Variants in GULP1 observed in about 807,000 individuals in gnomAD.
The protein encoded by GULP1 is GULP PTB domain containing engulfment adaptor 1.
Under a neutral mutation model 40.9 loss-of-function variants are expected in GULP1, and 19 were observed. The observed-to-expected ratio is 0.46, with a 90% CI of 0.32 to 0.68. The LOEUF is 0.68. Among genes scored for constraint, GULP1 ranks in the 30% least tolerant of loss-of-function variants. The probability of loss-of-function intolerance (pLI) is 0.03; values close to 1 mark genes in which losing one functional copy is unlikely to be tolerated. For synonymous variants in GULP1, 119 were observed against 117.6 expected, an observed-to-expected ratio of 1.01 and a Z score of -0.08; for missense variants, 312 against 362.2, an observed-to-expected ratio of 0.86 and a Z score of 1.12.
intron 1 of GULP1, among the ~76,000 whole-genome samples, chr2:188,360,399 A>G (rs2045927743): frequency 6.6e-6 from 1 of 152,068 alleles, no homozygotes; most frequent in East Asian, 1.9e-4. Flanking sequence ...ATTTCAAGCA[A>G]TTAAATTTCC....
At chr2:188,527,875 A>G (rs1686585882) in intron 5 of GULP1, among the ~76,000 whole-genome samples, 1 of 152,164 alleles carries the variant, frequency 6.6e-6, no homozygotes, top group Non-Finnish European at 1.5e-5. Flanking sequence ...CATCTGCCCT[A>G]AATTACAGTG....
chr2:188,389,087 C>G (rs571016095), intron 2 of GULP1, among the ~76,000 whole-genome samples: 1 of 152,086 alleles, frequency 6.6e-6, no homozygotes, highest in South Asian at 2.1e-4. Context: ...AAGAAACAGG[C>G]CTTTTGTTTA....
chr2:188,365,680 G>T (rs1408690556), intron 1 of GULP1, among the ~76,000 whole-genome samples: 6 of 152,166 alleles, frequency 3.9e-5, no homozygotes, highest in African/African-American at 1.2e-4. Flanking sequence ...GTCAAGAAAG[G>T]CACGGTAAAG....
intron 2 of GULP1, among the ~76,000 whole-genome samples, chr2:188,463,160 C>G (rs1438995986): frequency 6.6e-6 from 1 of 152,042 alleles, no homozygotes; most frequent in Non-Finnish European, 1.5e-5. Flanking sequence ...ACTTTTCTTT[C>G]TGATTTAAGT....
intron 1 of GULP1, among the ~76,000 whole-genome samples, chr2:188,312,622 T>G (rs1159389815): frequency 1.3e-5 from 2 of 152,218 alleles, no homozygotes; most frequent in African/African-American, 2.4e-5. Flanking sequence ...TGCATGTGTC[T>G]TTATAATAGA....
intron 5 of GULP1, among the ~76,000 whole-genome samples, chr2:188,528,233 A>G (rs1686675431): frequency 6.6e-6 from 1 of 152,154 alleles, no homozygotes; most frequent in African/African-American, 2.4e-5. Context: ...TAACGTGTAT[A>G]CTAAATACTA....
At chr2:188,546,434 C>G (rs930706878) in intron 7 of GULP1, among the ~76,000 whole-genome samples, 40 of 151,884 alleles carry the variant, frequency 2.6e-4, no homozygotes, top group African/African-American at 9.2e-4. Flanking sequence ...TCTTTAAAAG[C>G]TAGGAAATGA....
intron 4 of GULP1, among the ~76,000 whole-genome samples, chr2:188,522,086 C>G (rs1338216636): frequency 6.6e-6 from 1 of 152,008 alleles, no homozygotes; most frequent in East Asian, 1.9e-4. Flanking sequence ...AAAAACAAAA[C>G]CAAACTAAAA....
intron 7 of GULP1, among the ~76,000 whole-genome samples, chr2:188,552,330 G>C (rs1276925714): frequency 6.6e-6 from 1 of 151,732 alleles, no homozygotes; most frequent in Non-Finnish European, 1.5e-5. Flanking sequence ...AGGCCACTTT[G>C]AGTTGATTTT....
intron 1 of GULP1, among the ~76,000 whole-genome samples, chr2:188,371,282 C>G (rs1468443272): frequency 6.6e-6 from 1 of 152,068 alleles, no homozygotes; most frequent in East Asian, 1.9e-4. Context: ...CAATTAATAG[C>G]TTAGAATGGT....
chr2:188,409,566 T>C (rs1003739762), intron 2 of GULP1, among the ~76,000 whole-genome samples: 2 of 152,230 alleles, frequency 1.3e-5, no homozygotes, highest in South Asian at 2.1e-4. Flanking sequence ...AATTTTTTTT[T>C]CCAAAAATTG....
chr2:188,330,344 T>A (rs985304404), intron 1 of GULP1, among the ~76,000 whole-genome samples: 1 of 152,184 alleles, frequency 6.6e-6, no homozygotes, highest in East Asian at 1.9e-4. Flanking sequence ...ATATAAAGTA[T>A]GTATAACACA....
intron 2 of GULP1, among the ~76,000 whole-genome samples, chr2:188,442,342 C>T (rs1238307444): frequency 1.3e-5 from 2 of 151,894 alleles, no homozygotes; most frequent in African/African-American, 4.8e-5. Context: ...ATCTTCAGGT[C>T]GTATACAAAG....
intron 4 of GULP1, among the ~76,000 whole-genome samples, chr2:188,510,554 T>C (rs2064401270): frequency 6.6e-6 from 1 of 151,960 alleles, no homozygotes; most frequent in African/African-American, 2.4e-5. Context: ...AAAAATAATC[T>C]AACTTACCAA....
intron 1 of GULP1, among the ~76,000 whole-genome samples, chr2:188,340,730 G>A (rs987050852): frequency 3.3e-5 from 5 of 152,196 alleles, no homozygotes; most frequent in African/African-American, 9.6e-5. Flanking sequence ...TTCGGCATCC[G>A]GGAAAAATCA....
At chr2:188,550,905 CTGAG>C (rs1247778936) in intron 7 of GULP1, among the ~76,000 whole-genome samples, 1 of 151,384 alleles carries the variant, frequency 6.6e-6, no homozygotes, top group Non-Finnish European at 1.5e-5. Flanking sequence ...CTTATTGTTG[CTGAG>C]TATTTCCTGC....
intron 1 of GULP1, among the ~76,000 whole-genome samples, chr2:188,343,942 T>C (rs2043294436): frequency 6.6e-6 from 1 of 152,078 alleles, no homozygotes; most frequent in South Asian, 2.1e-4. Flanking sequence ...AGCAAATAGC[T>C]GGGACTGTGG....
At chr2:188,583,764 T>C (rs1037767301) in intron 9 of GULP1, among the ~76,000 whole-genome samples, 1 of 152,162 alleles carries the variant, frequency 6.6e-6, no homozygotes, top group Non-Finnish European at 1.5e-5. Flanking sequence ...AAATACAAAC[T>C]AAAATATACT....
At chr2:188,405,755 C>T (rs2052994002) in intron 2 of GULP1, among the ~76,000 whole-genome samples, 1 of 152,226 alleles carries the variant, frequency 6.6e-6, no homozygotes, top group Non-Finnish European at 1.5e-5. Context: ...GCAAGCCTGC[C>T]TGTGGACCAT....
Sources: allele counts gnomAD v4.1 joint callset (sites outside exome capture counted in the v4.1 genomes callset), GRCh38; gene constraint gnomAD v4.1.1; transcripts MANE v1.5; gene names NCBI Gene and HGNC (gene_info 2026-07-23, HGNC 2026-07-21).